The following ZNF516 variants were observed in gnomAD, a reference collection of about 807,000 sequenced individuals.
ZNF516 encodes zinc finger protein 516.
A neutral mutation model predicts 79.7 loss-of-function variants in ZNF516; 19 were observed. The ratio of observed to expected loss-of-function variants is 0.24; its 90% confidence interval spans 0.17 to 0.35. The LOEUF is 0.35. ZNF516 is among the 10% of genes least tolerant of loss of function. ZNF516 has a pLI of 1.00. For missense variants in ZNF516, 1,678 were observed against 1,679.5 expected (o/e 1.00, Z 0.02); for synonymous variants, 877 against 739.5 (o/e 1.19, Z -3.02).
upstream of ZNF516, chr18:76,496,270 T>C (rs1027598461): frequency 6.5e-5 from 83 of 1,286,682 alleles, no homozygotes; most frequent in Non-Finnish European, 8.0e-5. Flanking sequence ...CACTATCTTC[T>C]CCCACCAGGC....
intron 1 of ZNF516, among the ~76,000 whole-genome samples, chr18:76,476,440 GAAGAAT>G (rs1914179435): frequency 6.6e-6 from 1 of 152,120 alleles, no homozygotes; most frequent in Admixed American, 6.5e-5. Context: ...TAATTCCCTG[GAAGAAT>G]GACATTCAGA....
chr18:76,449,737 G>C (rs547638158), intron 2 of ZNF516, among the ~76,000 whole-genome samples: 1 of 152,340 alleles, frequency 6.6e-6, no homozygotes, highest in African/African-American at 2.4e-5. Context: ...ATAAGTGAAT[G>C]AAATATCAGT....
intron 6 of ZNF516, among the ~76,000 whole-genome samples, chr18:76,369,890 A>C (rs1259479351): frequency 1.3e-5 from 2 of 152,224 alleles, no homozygotes; most frequent in Non-Finnish European, 2.9e-5. Flanking sequence ...AGAGAATGCA[A>C]GAGACCCGCT....
At chr18:76,491,518 G>C (rs1374579215) in intron 1 of ZNF516, 1 of 128,036 alleles carries the variant, frequency 7.8e-6, no homozygotes, top group Non-Finnish European at 1.8e-5. Flanking sequence ...CAGTGCAGGC[G>C]TGTGACGTCC....
intron 3 of ZNF516, among the ~76,000 whole-genome samples, chr18:76,435,022 C>A (rs531662630): frequency 5.8e-4 from 88 of 152,348 alleles, no homozygotes; most frequent in Non-Finnish European, 1.1e-3. Flanking sequence ...CGGCATGGGG[C>A]AAAAGCCAAC....
chr18:76,407,726 G>A (rs2075321321), intron 3 of ZNF516, among the ~76,000 whole-genome samples: 1 of 152,216 alleles, frequency 6.6e-6, no homozygotes, highest in Admixed American at 6.5e-5. Flanking sequence ...GTTATTCGAA[G>A]GTGAACACCC....
In ZNF516 at chr18:76,362,663, A is replaced by G. The variant is rs563150078; in HGVS notation, c.3433-106T>C. On this transcript the variant is annotated intron_variant, in intron 6 of 6. Coordinates refer to ENST00000443185, the MANE Select transcript of ZNF516 (RefSeq NM_014643.4). ...CTAATCAACATCCAAGAACACAAAC[A>G]ATGACCTTCACAAAGCAAGCCAACC... 2.6e-6 allele frequency: 3 copies of G among 1,172,424 alleles called. No homozygotes were observed. In the African/African-American group the frequency reaches 4.6e-5, roughly 18 times the overall value. The allele number at this position is 1,172,424 out of a possible 1,614,324, so 72.6% of individuals were successfully genotyped here.
At chr18:76,455,305 C>T (rs1912654424) in intron 2 of ZNF516, among the ~76,000 whole-genome samples, 1 of 152,216 alleles carries the variant, frequency 6.6e-6, no homozygotes. Flanking sequence ...TCTACAACCA[C>T]GGTCATTTTT....
intron 3 of ZNF516, among the ~76,000 whole-genome samples, chr18:76,411,794 G>A (rs527278043): frequency 6.6e-6 from 1 of 152,268 alleles, no homozygotes; most frequent in African/African-American, 2.4e-5. Flanking sequence ...TCTGCCAGGA[G>A]CCCTCTGCAC....
intron 2 of ZNF516, among the ~76,000 whole-genome samples, chr18:76,453,312 A>C (rs1165910048): frequency 6.6e-6 from 1 of 152,176 alleles, no homozygotes; most frequent in Non-Finnish European, 1.5e-5. Context: ...CCCCATTTCC[A>C]GAAGCTTAGA....
rs1402647869 is a variant in ZNF516 at position 76,451,892 on chromosome 18, G to A, written c.-157-8681C>T. Among the ~76,000 whole-genome samples the A allele has an allele frequency of 6.6e-6, 1 of 152,172 alleles. No individual in the cohort carries two copies. The highest frequency in any genetic ancestry group is 2.4e-5 in the African/African-American group (1 of 41,436). On this transcript the variant is annotated intron_variant, in intron 2 of 6. Coordinates refer to ENST00000443185, the MANE Select transcript of ZNF516 (RefSeq NM_014643.4). The surrounding 1 kb of genome is among the most constrained non-coding windows in gnomAD (Gnocchi z 6.0). ...TCCCTACAAACCATTCTGTACACCAGTAACAATTACAGGCTTATAGTCCCC... is the reference window on the plus strand; with the variant it reads ...TCCCTACAAACCATTCTGTACACCAATAACAATTACAGGCTTATAGTCCCC...
intron 3 of ZNF516, chr18:76,387,247 T>G (rs1318199615): frequency 6.6e-6 from 1 of 152,290 alleles, no homozygotes; most frequent in African/African-American, 2.4e-5. Context: ...GGAAGAATCT[T>G]TGAAGAGACG....
rs200457557 is a variant in ZNF516 at position 76,455,752 on chromosome 18, CAA to C, written c.-158+7274_-158+7275del. 9.3e-3 allele frequency among the ~76,000 whole-genome samples: 1,416 copies of C among 152,346 alleles called. 11 individuals are homozygous for C. Among genetic ancestry groups the C allele is most frequent in the Non-Finnish European group, 0.014 (956 of 68,044 alleles). On this transcript the variant is annotated intron_variant, in intron 2 of 6. Coordinates refer to ENST00000443185, the MANE Select transcript of ZNF516 (RefSeq NM_014643.4). ...GATGCGCCAATGCAAGTCTGTGTCA[CAA>C]AGAGTCTGCACTTACACACGTGACA... is the stretch of plus-strand genomic sequence containing the variant.
intron 2 of ZNF516, among the ~76,000 whole-genome samples, chr18:76,457,513 A>G (rs1429634008): frequency 6.6e-6 from 1 of 152,196 alleles, no homozygotes; most frequent in Non-Finnish European, 1.5e-5. Flanking sequence ...GTTCAAGACC[A>G]GCCTGGGCAA....
intron 2 of ZNF516, among the ~76,000 whole-genome samples, chr18:76,454,051 AC>A (rs1309172606): frequency 6.6e-6 from 1 of 152,218 alleles, no homozygotes; most frequent in African/African-American, 2.4e-5. Context: ...TTTGTGAAAG[AC>A]CCTAGAAGTC....
chr18:76,479,060 A>G (rs1223175059), intron 1 of ZNF516, among the ~76,000 whole-genome samples: 2 of 152,130 alleles, frequency 1.3e-5, no homozygotes, highest in Non-Finnish European at 2.9e-5. Context: ...CTGTCCAAAA[A>G]AAAAAAAGAT....
At chr18:76,426,196 A>C (rs931834079) in intron 3 of ZNF516, among the ~76,000 whole-genome samples, 1 of 152,276 alleles carries the variant, frequency 6.6e-6, no homozygotes, top group Non-Finnish European at 1.5e-5. Context: ...AAGTATTAAC[A>C]AATGTAAACT....
rs566407578 is a variant in ZNF516, at chr18:76,425,004, AACAC to A, written c.1810+16237_1810+16240del. On this transcript the variant is annotated intron_variant, in intron 3 of 6. Transcript: ENST00000443185. ...ACGCAGGTGAAAAGGCTCCCCCTGA[AACAC>A]ACACACAGGTGAAAAGGTTCCCCCG... Among the ~76,000 whole-genome samples the A allele has an allele frequency of 2.5e-3, 368 of 147,942 alleles. 2 individuals carry two copies. The highest frequency in any genetic ancestry group is 3.6e-3 in the Middle Eastern group (1 of 274).
At chr18:76,478,071 A>G (rs1300613848) in intron 1 of ZNF516, among the ~76,000 whole-genome samples, 1 of 151,790 alleles carries the variant, frequency 6.6e-6, no homozygotes, top group Non-Finnish European at 1.5e-5. Context: ...CCCTAACTTA[A>G]AGTGTTTTTG....
Sources: allele counts gnomAD v4.1 joint callset (sites outside exome capture counted in the v4.1 genomes callset), GRCh38; gene constraint gnomAD v4.1.1; non-coding constraint Gnocchi (gnomAD v3.1); transcripts MANE v1.5; gene names NCBI Gene and HGNC (gene_info 2026-07-23, HGNC 2026-07-21).